The following EXOSC9 variants were observed in gnomAD, a reference collection of about 807,000 sequenced individuals.
The protein encoded by EXOSC9 is exosome component 9.
In EXOSC9, 38 loss-of-function variants were observed where a neutral mutation model predicts 56.5. That is an observed-to-expected ratio of 0.67 (90% CI 0.52 to 0.88). The LOEUF is 0.88. Among genes scored for constraint, EXOSC9 ranks in the 40% least tolerant of loss-of-function variants. The probability of loss-of-function intolerance (pLI) is 0.00; values close to 1 mark genes in which losing one functional copy is unlikely to be tolerated. For missense variants in EXOSC9, 559 were observed against 530.5 expected (o/e 1.05, Z -0.53); for synonymous variants, 170 against 170.8 (o/e 0.99, Z 0.04).
chr4:121,810,198 AT>A, intron 7 of EXOSC9, 99 bp downstream of exon 7: 1 of 1,048,626 alleles, frequency 9.5e-7, no homozygotes, highest in Non-Finnish European at 1.5e-6. Flanking sequence ...ACTTCCAGTG[AT>A]TTATTCTAGG....
chr4:121,807,243 T>C (rs1361430857), intron 5 of EXOSC9, among the ~76,000 whole-genome samples: 1 of 152,112 alleles, frequency 6.6e-6, no homozygotes, highest in Admixed American at 6.5e-5. Context: ...GGAGCTGACA[T>C]CTTGCCATTG....
chr4:121,816,280 G>A (rs1226283968), intron 10 of EXOSC9, 89 bp from the exon 11 acceptor site: 16 of 778,778 alleles, frequency 2.1e-5, no homozygotes, highest in South Asian at 4.3e-5. Context: ...AGTTTAGAAC[G>A]TCTGATAGAA....
At chr4:121,802,473 T>G (rs968077456) in intron 2 of EXOSC9, among the ~76,000 whole-genome samples, 11 of 152,204 alleles carry the variant, frequency 7.2e-5, no homozygotes, top group African/African-American at 2.2e-4. Context: ...GAGAGGTGTT[T>G]TTTCTGTCGT....
At chr4:121,804,944 G>A (rs1418392043) in intron 5 of EXOSC9, among the ~76,000 whole-genome samples, 185 bp downstream of exon 5, 1 of 152,220 alleles carries the variant, frequency 6.6e-6, no homozygotes, top group African/African-American at 2.4e-5. Context: ...CCGTTCCTCT[G>A]TTGAAACATT....
chr4:121,812,033 C>A (rs1460584990), intron 8 of EXOSC9, among the ~76,000 whole-genome samples: 1 of 152,204 alleles, frequency 6.6e-6, no homozygotes, highest in Non-Finnish European at 1.5e-5. Flanking sequence ...TGGATAGTTG[C>A]TCCTTATTAA....
At chr4:121,806,511 C>T (rs114210104) in intron 5 of EXOSC9, among the ~76,000 whole-genome samples, 2,226 of 152,106 alleles carry the variant, frequency 0.015, 73 homozygotes, top group African/African-American at 0.051. Context: ...TCTAGCAATT[C>T]CATGCCTAAG....
chr4:121,812,585 G>T (rs999234624), intron 8 of EXOSC9, among the ~76,000 whole-genome samples: 2 of 152,106 alleles, frequency 1.3e-5, no homozygotes, highest in African/African-American at 2.4e-5. Flanking sequence ...CCGCCTCATG[G>T]CTTCAAGTGA....
At chr4:121,810,330 CCTT>C (rs572444595) in intron 7 of EXOSC9, among the ~76,000 whole-genome samples, 156 of 151,940 alleles carry the variant, frequency 1.0e-3, no homozygotes, top group Admixed American at 2.2e-3. Flanking sequence ...GGAGTCTGAC[CCTT>C]CCACCTAGAA....
chr4:121,807,552 G>T lies in EXOSC9; in HGVS notation c.535G>T (p.Glu179Ter). Reference protein sequence around the residue: ...GDEVTLYTPEERDPVPLSIHH... With the variant: ...GDEVTLYTPE Reference sequence around the variant, plus strand: ...TCTTTTGAAACAGTATACACCTGAAGAGCGTGATCCTGTACCATTAAGTAT... The same window carrying T: ...TCTTTTGAAACAGTATACACCTGAATAGCGTGATCCTGTACCATTAAGTAT... The change falls in exon 6 of 12, where the codon GAG becomes TAG. Residue 179 changes from glutamate (E) to a stop codon, truncating the protein, a stop_gained. Coordinates refer to ENST00000243498, the MANE Select transcript of EXOSC9 (RefSeq NM_005033.3). LOFTEE classifies it high-confidence loss of function. 1 of 1,609,344 alleles carries T rather than the reference G, an allele frequency of 6.2e-7. No homozygotes were observed. Among genetic ancestry groups the T allele is most frequent in the Non-Finnish European group, 8.5e-7 (1 of 1,175,838 alleles).
chr4:121,805,763 A>G (rs553299348), intron 5 of EXOSC9, among the ~76,000 whole-genome samples: 58 of 151,894 alleles, frequency 3.8e-4, no homozygotes, highest in African/African-American at 1.3e-3. Flanking sequence ...ACAGCATTCT[A>G]TATTCAGAAA....
chr4:121,813,070 G>C (rs1198163437), intron 8 of EXOSC9, among the ~76,000 whole-genome samples, 164 bp from the exon 9 acceptor site: 1 of 152,134 alleles, frequency 6.6e-6, no homozygotes, highest in Non-Finnish European at 1.5e-5. Flanking sequence ...ATTTACTCTT[G>C]TTAGGCATAA....
In EXOSC9 at chr4:121,801,402, T is replaced by G. The variant is rs1338637914; in HGVS notation, c.-23T>G. 2 of 1,611,498 alleles carry G rather than the reference T, an allele frequency of 1.2e-6. No individual in the cohort carries two copies. Among genetic ancestry groups the G allele is most frequent in the East Asian group, 2.2e-5 (1 of 44,862 alleles). ...CGTTTTTCCCGCGGATTCTGGTGCC[T>G]GTGGGGCCGGTGACCCAACACCATG... On this transcript the variant is annotated 5_prime_UTR_variant, in exon 1 of 12. Transcript: ENST00000243498.
chr4:121,809,114 T>C (rs986588031), intron 6 of EXOSC9, among the ~76,000 whole-genome samples: 2 of 152,028 alleles, frequency 1.3e-5, no homozygotes, highest in Non-Finnish European at 2.9e-5. Context: ...GCCTTCCAAG[T>C]AGCTGGGACT....
chr4:121,816,482 T>G, intron 11 of EXOSC9, 35 bp downstream of exon 11: 2 of 1,297,148 alleles, frequency 1.5e-6, no homozygotes, highest in Non-Finnish European at 2.2e-6. Flanking sequence ...AATGTATACA[T>G]ATACTCAACA....
intron 5 of EXOSC9, among the ~76,000 whole-genome samples, chr4:121,807,331 C>T (rs1727052349): frequency 6.6e-6 from 1 of 152,018 alleles, no homozygotes; most frequent in Non-Finnish European, 1.5e-5. Context: ...AATTATGTGT[C>T]AGTAAATTTT....
chr4:121,807,556 G>A lies in EXOSC9; in HGVS notation c.539G>A (p.Arg180His), dbSNP rs200928513. 2.0e-5 allele frequency: 32 copies of A among 1,610,336 alleles called. No individual in the cohort carries two copies. In the East Asian group the frequency reaches 3.3e-4, roughly 17 times the overall value. Reference protein sequence around the residue: ...DEVTLYTPEERDPVPLSIHHM... With the variant: ...DEVTLYTPEEHDPVPLSIHHM... ...TTGAAACAGTATACACCTGAAGAGC[G>A]TGATCCTGTACCATTAAGTATCCAC... Residue 180 changes from arginine to histidine, a missense_variant, in exon 6 of 12, where the codon CGT (arginine) becomes CAT (histidine). Arg to His is a conservative substitution (Grantham distance 29). Transcript: ENST00000243498.
At chr4:121,809,929 T>C in intron 6 of EXOSC9, 38 bp from the exon 7 acceptor site, 1 of 1,612,214 alleles carries the variant, frequency 6.2e-7, no homozygotes, top group Non-Finnish European at 8.5e-7. Context: ...AAGCATTCGG[T>C]CTCAGATTTG....
chr4:121,813,853 T>C lies in EXOSC9; in HGVS notation c.975-13T>C, dbSNP rs1724357545. The C allele has an allele frequency of 6.3e-7, 1 of 1,582,946 alleles. No homozygotes were observed. Among genetic ancestry groups the C allele is most frequent in the Non-Finnish European group, 8.6e-7 (1 of 1,159,578 alleles). ...GCAATATTTTTGTTACTCAGTTTTC[T>C]TAACTTGTTAAGTGTTTCTACACCT... On this transcript the variant is annotated splice_polypyrimidine_tract_variant and intron_variant, in intron 9 of 11. Coordinates refer to ENST00000243498, the MANE Select transcript of EXOSC9 (RefSeq NM_005033.3).
Position 121,807,538 on chromosome 4 carries a change from A to T in EXOSC9, c.523-2A>T, listed in dbSNP as rs753149983. Reference sequence around the variant, plus strand: ...ATTATTAAACATTTTCTTTTGAAACAGTATACACCTGAAGAGCGTGATCCT... The same window carrying T: ...ATTATTAAACATTTTCTTTTGAAACTGTATACACCTGAAGAGCGTGATCCT... On this transcript the variant is annotated splice_acceptor_variant, in intron 5 of 11. Coordinates refer to ENST00000243498, the MANE Select transcript of EXOSC9 (RefSeq NM_005033.3). LOFTEE classifies it high-confidence loss of function. 6.3e-7 allele frequency: 1 copy of T among 1,577,056 alleles called. No homozygotes were observed. Among genetic ancestry groups the T allele is most frequent in the Non-Finnish European group, 8.7e-7 (1 of 1,153,120 alleles).
Sources: allele counts gnomAD v4.1 joint callset (sites outside exome capture counted in the v4.1 genomes callset), GRCh38; gene constraint gnomAD v4.1.1; transcripts MANE v1.5; gene names NCBI Gene and HGNC (gene_info 2026-07-23, HGNC 2026-07-21).